Variants in MKLN1 observed in about 807,000 individuals in gnomAD.
The protein encoded by MKLN1 is muskelin.
MKLN1 carries 18 observed loss-of-function variants against 99.0 expected under a neutral mutation model. The observed-to-expected ratio is 0.18, with a 90% confidence interval of 0.13 to 0.27. The LOEUF is 0.27. Ranked by LOEUF, MKLN1 falls within the 10% of genes least tolerant of loss-of-function variation. The pLI is 1.00. For missense variants in MKLN1, 621 were observed against 875.9 expected, an observed-to-expected ratio of 0.71 and a Z score of 3.67; for synonymous variants, 288 against 293.2, an observed-to-expected ratio of 0.98 and a Z score of 0.18.
chr7:131,258,989 G>A (rs1797695496), intron 3 of MKLN1, among the ~76,000 whole-genome samples: 1 of 152,134 alleles, frequency 6.6e-6, no homozygotes, highest in Admixed American at 6.5e-5. Flanking sequence ...CTTCTAGGGA[G>A]AATGTGAGGG....
chr7:131,427,303 G>A (rs1440151169), intron 8 of MKLN1, among the ~76,000 whole-genome samples: 1 of 152,128 alleles, frequency 6.6e-6, no homozygotes, highest in Non-Finnish European at 1.5e-5. Context: ...ATGGCAAAAG[G>A]TTTTCTTAAA....
At position 131,339,068 on chromosome 7, in the gene MKLN1, C is replaced by T. The variant is rs115610950; in HGVS notation, c.98+11071C>T. ...TTGTAAGAATATAGTATGTCATACACGTAACACATGAAATATGTGTTAATT... is the reference window on the plus strand; with the variant it reads ...TTGTAAGAATATAGTATGTCATACATGTAACACATGAAATATGTGTTAATT... On this transcript the variant is annotated intron_variant, in intron 1 of 17. Coordinates refer to ENST00000352689, the MANE Select transcript of MKLN1 (RefSeq NM_013255.5). 2.0e-3 allele frequency among the ~76,000 whole-genome samples: 299 copies of T among 152,248 alleles called. 1 individual carries two copies. The highest frequency in any genetic ancestry group is 6.8e-3 in the African/African-American group (284 of 41,528).
chr7:131,446,213 ATCT>A (rs1252549997), intron 12 of MKLN1, among the ~76,000 whole-genome samples: 21 of 152,058 alleles, frequency 1.4e-4, no homozygotes, highest in Admixed American at 1.0e-3. Context: ...AATTTTTTTC[ATCT>A]TCTATTTTCA....
intron 3 of MKLN1, among the ~76,000 whole-genome samples, chr7:131,298,217 G>C (rs1798323906): frequency 6.6e-6 from 1 of 152,012 alleles, no homozygotes; most frequent in South Asian, 2.1e-4. Flanking sequence ...CTTGCAGTGA[G>C]CCGAGATGAC....
At chr7:131,441,934 C>T (rs1795852384) in intron 10 of MKLN1, among the ~76,000 whole-genome samples, 1 of 152,192 alleles carries the variant, frequency 6.6e-6, no homozygotes, top group Admixed American at 6.5e-5. Flanking sequence ...TGAAGTACTT[C>T]AGAAACGGAA....
At chr7:131,186,163 C>G (rs906447982) in intron 2 of MKLN1, among the ~76,000 whole-genome samples, 1 of 151,896 alleles carries the variant, frequency 6.6e-6, no homozygotes, top group African/African-American at 2.4e-5. Context: ...TGCACTCCAG[C>G]CTGGGTGACA....
intron 3 of MKLN1, among the ~76,000 whole-genome samples, chr7:131,267,658 A>G (rs1797828984): frequency 6.6e-6 from 1 of 152,186 alleles, no homozygotes; most frequent in South Asian, 2.1e-4. Flanking sequence ...TGAATTTGGA[A>G]TATTCTGTTT....
chr7:131,294,564 T>C (rs1798264164), intron 3 of MKLN1, among the ~76,000 whole-genome samples: 1 of 152,216 alleles, frequency 6.6e-6, no homozygotes, highest in Admixed American at 6.5e-5. Flanking sequence ...TTGTTTTAAA[T>C]GAATCTGAGT....
intron 8 of MKLN1, among the ~76,000 whole-genome samples, chr7:131,421,510 C>T (rs1287769364): frequency 6.6e-6 from 1 of 152,148 alleles, no homozygotes. Flanking sequence ...GGCTCTACCC[C>T]TGACTTCTTA....
chr7:131,395,464 T>C (rs994255219), intron 4 of MKLN1, among the ~76,000 whole-genome samples: 22 of 146,396 alleles, frequency 1.5e-4, no homozygotes, highest in African/African-American at 4.3e-4. Flanking sequence ...TATTTTATTT[T>C]ATTTTATTTT....
chr7:131,454,318 G>C (rs1192159735), intron 12 of MKLN1, among the ~76,000 whole-genome samples: 1 of 152,156 alleles, frequency 6.6e-6, no homozygotes, highest in Non-Finnish European at 1.5e-5. Flanking sequence ...TCCATTCAAA[G>C]AGTTCAGTTT....
chr7:131,387,312 C>G (rs1794063623), intron 3 of MKLN1, 50 bp downstream of exon 3: 1 of 1,527,580 alleles, frequency 6.5e-7, no homozygotes, highest in Non-Finnish European at 8.8e-7. Context: ...AAAACGTAGT[C>G]TTAGTCTTTT....
intron 1 of MKLN1, among the ~76,000 whole-genome samples, chr7:131,365,675 C>T (rs1453750500): frequency 6.6e-6 from 1 of 152,090 alleles, no homozygotes. Context: ...TAGCCAGTTA[C>T]CCCAACATCA....
chr7:131,231,710 C>G (rs1343054247), intron 3 of MKLN1, among the ~76,000 whole-genome samples: 1 of 151,950 alleles, frequency 6.6e-6, no homozygotes. Context: ...GTGTTGCCAC[C>G]AAAAACAAAA....
chr7:131,464,920 TCTTAAA>T (rs1014908613), intron 14 of MKLN1, among the ~76,000 whole-genome samples: 4 of 152,214 alleles, frequency 2.6e-5, no homozygotes, highest in African/African-American at 9.7e-5. Context: ...TTTATTTCTG[TCTTAAA>T]CTTAACCATG....
chr7:131,474,247 T>G (rs572603172), intron 16 of MKLN1, among the ~76,000 whole-genome samples: 3 of 152,350 alleles, frequency 2.0e-5, no homozygotes, highest in African/African-American at 7.2e-5. Flanking sequence ...AGATTAGATC[T>G]AGTGTTTGAA....
In MKLN1 at chr7:131,242,408, T is replaced by A. The variant is rs111721263; in HGVS notation, c.-179+39434T>A. On this transcript the variant is annotated intron_variant, in intron 3 of 7. Transcript: ENST00000416992. ...AAAATTAGCTGGTTATGGTGGGGCA[T>A]GCCTGTAGTCCCGGCTACTCAGGAG... Among the ~76,000 whole-genome samples, 851 of 152,254 alleles carry A rather than the reference T, an allele frequency of 5.6e-3. 5 individuals are homozygous for A. Among genetic ancestry groups the A allele is most frequent in the African/African-American group, 0.02 (814 of 41,552 alleles).
At chr7:131,339,187 C>T (rs955895392) in intron 1 of MKLN1, among the ~76,000 whole-genome samples, 3 of 152,208 alleles carry the variant, frequency 2.0e-5, no homozygotes, top group South Asian at 2.1e-4. Context: ...GCTTTTTCAA[C>T]TGCATGGGAG....
intron 3 of MKLN1, among the ~76,000 whole-genome samples, chr7:131,289,364 G>A (rs962532407): frequency 2.6e-5 from 4 of 152,196 alleles, no homozygotes; most frequent in South Asian, 2.1e-4. Flanking sequence ...GGTGGCTCAC[G>A]CCTGTGGTCC....
Sources: gnomAD v4.1 joint callset for allele counts (sites outside exome capture counted in the v4.1 genomes callset) on GRCh38, gnomAD v4.1.1 for gene constraint, MANE v1.5 for transcripts, NCBI Gene and HGNC (gene_info 2026-07-23, HGNC 2026-07-21) for gene names.